The following ELMO2 variants were observed in gnomAD, a reference collection of about 807,000 sequenced individuals.
The protein encoded by ELMO2 is engulfment and cell motility 2, also known as engulfment and cell motility protein 2.
A neutral mutation model predicts 96.2 loss-of-function variants in ELMO2; 37 were observed. The ratio of observed to expected loss-of-function variants is 0.38; its 90% CI spans 0.30 to 0.51. The LOEUF (loss-of-function observed/expected upper bound fraction) is 0.51, where lower values mean the gene tolerates loss of function less well. Ranked by LOEUF, ELMO2 falls within the 20% of genes least tolerant of loss-of-function variation. The pLI, the probability that ELMO2 is intolerant of heterozygous loss-of-function variation, is 0.88. For missense variants in ELMO2, 561 were observed against 912.6 expected (o/e 0.61, Z 4.96); for synonymous variants, 315 against 329.4 (o/e 0.96, Z 0.47).
chr20:46,383,805 G>C (rs2059997291), intron 9 of ELMO2, among the ~76,000 whole-genome samples: 1 of 152,188 alleles, frequency 6.6e-6, no homozygotes, highest in Non-Finnish European at 1.5e-5. Context: ...AGAATCTTAA[G>C]TAGTTATTAA....
At chr20:46,372,106 G>T in intron 16 of ELMO2, 137 bp from the exon 17 acceptor site, 1 of 979,094 alleles carries the variant, frequency 1.0e-6, no homozygotes, top group Non-Finnish European at 1.5e-6. Flanking sequence ...GGGTGAGTAA[G>T]GTATACCTTC....
chr20:46,385,665 G>C (rs752285349), intron 9 of ELMO2, among the ~76,000 whole-genome samples: 7 of 152,210 alleles, frequency 4.6e-5, no homozygotes, highest in Non-Finnish European at 1.0e-4. Context: ...GGTTCAGTGA[G>C]CATTCATTCA....
At position 46,375,760 on chromosome 20, in the gene ELMO2, T is replaced by C; in HGVS notation, c.838A>G (p.Thr280Ala). ...ACATATAGCTGATGGGCCATCTCAG[T>C]TTTGATGGGGCGGTTCCCTCGGATC... ...HVIRGNRPIK[T>A]EMAHQLYVLQ... The change falls in exon 12 of 22, where the codon ACT becomes GCT. Residue 280 changes from threonine (T) to alanine (A), a missense_variant. Coordinates refer to ENST00000290246, the MANE Select transcript of ELMO2 (RefSeq NM_133171.5). The surrounding 1 kb of genome is among the most constrained non-coding windows in gnomAD (Gnocchi z 4.6). 6 of 1,614,188 alleles carry C rather than the reference T, an allele frequency of 3.7e-6. No individual in the cohort carries two copies. Among genetic ancestry groups the C allele is most frequent in the Non-Finnish European group, 5.1e-6 (6 of 1,180,032 alleles).
intron 1 of ELMO2, among the ~76,000 whole-genome samples, chr20:46,399,464 AG>A (rs2060300384): frequency 6.6e-6 from 1 of 152,204 alleles, no homozygotes; most frequent in Non-Finnish European, 1.5e-5. Flanking sequence ...ATCAGAGCCT[AG>A]TTCGGATGTT....
intron 8 of ELMO2, among the ~76,000 whole-genome samples, chr20:46,386,691 ATCCT>A (rs2060051105): frequency 6.6e-6 from 1 of 152,206 alleles, no homozygotes; most frequent in Admixed American, 6.5e-5. Flanking sequence ...TTTTACTCTA[ATCCT>A]TCTTCTCAGT....
chr20:46,391,660 G>C lies in ELMO2; in HGVS notation c.243+1433C>G, dbSNP rs531365545. On this transcript the variant is annotated intron_variant, in intron 6 of 21. Coordinates refer to ENST00000290246, the MANE Select transcript of ELMO2 (RefSeq NM_133171.5). ...TTTGAGTCCTTCCTCTCCTGGTCCAGTAAGGTCCTGTTCTATTGATTACCT... is the reference window on the plus strand; with the variant it reads ...TTTGAGTCCTTCCTCTCCTGGTCCACTAAGGTCCTGTTCTATTGATTACCT... Among the ~76,000 whole-genome samples, 10 of 152,294 alleles carry C rather than the reference G, an allele frequency of 6.6e-5. No homozygotes were observed. In the South Asian group the frequency reaches 2.1e-3, roughly 32 times the overall value.
In ELMO2 at chr20:46,394,495, G is replaced by T; in HGVS notation, c.-13C>A. 1.2e-6 allele frequency: 2 copies of T among 1,614,074 alleles called. No individual in the cohort carries two copies. Among genetic ancestry groups the T allele is most frequent in the South Asian group, 2.2e-5 (2 of 91,076 alleles). Reference sequence around the variant, plus strand: ...ACGGTGGTGGCATCGTTCCCAATGGGCTCTAATTCTGCGAGACAAAAACAC... The same window carrying T: ...ACGGTGGTGGCATCGTTCCCAATGGTCTCTAATTCTGCGAGACAAAAACAC... On this transcript the variant is annotated 5_prime_UTR_variant, in exon 3 of 22. Transcript: ENST00000290246.
At chr20:46,374,795 T>G (rs1354321634) in intron 13 of ELMO2, among the ~76,000 whole-genome samples, 155 bp from the exon 14 acceptor site, 1 of 152,196 alleles carries the variant, frequency 6.6e-6, no homozygotes, top group Non-Finnish European at 1.5e-5. Context: ...CACTGAACTG[T>G]GAGCTCTTGA....
chr20:46,386,337 C>A, intron 8 of ELMO2, 62 bp from the exon 9 acceptor site: 1 of 1,591,124 alleles, frequency 6.3e-7, no homozygotes, highest in Non-Finnish European at 8.6e-7. Flanking sequence ...AGAAGCTTAG[C>A]ATCTGATGCT....
intron 6 of ELMO2, among the ~76,000 whole-genome samples, chr20:46,389,665 G>A (rs2060116025): frequency 6.6e-6 from 1 of 152,070 alleles, no homozygotes; most frequent in Non-Finnish European, 1.5e-5. Flanking sequence ...CTGGCCAACA[G>A]AGTGACACCC....
At chr20:46,379,625 C>G (rs913574026) in intron 11 of ELMO2, among the ~76,000 whole-genome samples, 13 of 152,174 alleles carry the variant, frequency 8.5e-5, no homozygotes, top group Admixed American at 3.9e-4. Context: ...TGCTCTGTGC[C>G]TAATCACACA....
chr20:46,384,395 G>C (rs572536958), intron 9 of ELMO2, among the ~76,000 whole-genome samples: 7 of 152,300 alleles, frequency 4.6e-5, no homozygotes, highest in African/African-American at 1.7e-4. Context: ...ATGGTACCCA[G>C]GGAGTCTAAC....
Position 46,371,621 on chromosome 20 carries a change from C to A in ELMO2, c.1651G>T (p.Glu551Ter). Residue 551 changes from glutamate (E) to a stop codon, truncating the protein, a stop_gained, in exon 18 of 22, where the codon GAG becomes TAG. Transcript: ENST00000290246. LOFTEE classifies it high-confidence loss of function. This position sits in a 1 kb window ranked among gnomAD's most constrained non-coding sequence, Gnocchi z 5.9. ...IKQQRLNRLC[E>*]GSSFRKIGNR... is the part of the protein sequence containing the mutation. ...CCAATCTTTCGGAAGCTGCTGCCCT[C>A]ACAGAGCCGGTTCAGGCGCTGCTGC... The A allele has an allele frequency of 6.2e-7, 1 of 1,608,244 alleles. No homozygotes were observed. The highest frequency in any genetic ancestry group is 8.5e-7 in the Non-Finnish European group (1 of 1,178,250).
chr20:46,384,005 G>C (rs1481703372), intron 9 of ELMO2, among the ~76,000 whole-genome samples: 1 of 151,992 alleles, frequency 6.6e-6, no homozygotes, highest in East Asian at 1.9e-4. Context: ...AAAAGACTTA[G>C]AACTACCCTT....
At chr20:46,388,355 G>A (rs542494086) in intron 7 of ELMO2, among the ~76,000 whole-genome samples, 1 of 152,206 alleles carries the variant, frequency 6.6e-6, no homozygotes, top group Non-Finnish European at 1.5e-5. Flanking sequence ...AATTTCAATA[G>A]TTGATCTATG....
chr20:46,376,667 G>C (rs1269061874), intron 11 of ELMO2: 1 of 1,289,318 alleles, frequency 7.8e-7, no homozygotes, highest in Admixed American at 2.3e-5. Flanking sequence ...TTCCCTTCTT[G>C]CTCCCTTGTA....
Position 46,372,093 on chromosome 20 carries a change from G to C in ELMO2, c.1417-124C>G, listed in dbSNP as rs545149143. ...AGCAGGGCAGGCACTACAGACATCTGCTGGGTGAGTAAGGTATACCTTCTT... is the reference window on the plus strand; with the variant it reads ...AGCAGGGCAGGCACTACAGACATCTCCTGGGTGAGTAAGGTATACCTTCTT... On this transcript the variant is annotated intron_variant, in intron 16 of 21. Coordinates refer to ENST00000290246, the MANE Select transcript of ELMO2 (RefSeq NM_133171.5). The C allele has an allele frequency of 2.0e-5, 23 of 1,169,104 alleles. No individual in the cohort carries two copies. The African/African-American group carries it at 3.2e-4, about 16-fold the overall frequency. 72.4% of individuals were successfully genotyped at this position (1,169,104 alleles called of 1,614,324 possible).
rs1568766692 is a variant in ELMO2 at position 46,383,509 on chromosome 20, A to G, written c.678-15T>C. The G allele has an allele frequency of 1.2e-6, 2 of 1,610,524 alleles. No homozygotes were observed. The highest frequency in any genetic ancestry group is 2.2e-5 in the East Asian group (1 of 44,862). ...CCTGGTTGGAGCTGTGTCAATGGAG[A>G]AAGAAGAGAGAGGGAGATTAGAAGA... On this transcript the variant is annotated splice_polypyrimidine_tract_variant and intron_variant, in intron 9 of 21. Transcript: ENST00000290246.
rs1362840234 is a variant in ELMO2 at position 46,400,567 on chromosome 20, C to T, written c.-125-1796G>A. Among the ~76,000 whole-genome samples the T allele has an allele frequency of 2.6e-5, 4 of 152,240 alleles. 1 individual carries two copies. In the South Asian group the frequency reaches 8.3e-4, roughly 31 times the overall value. ...ATATCCAGGCCCAGAGGGCCCCTTC[C>T]GGATTAAACAACTCCCCACCCTTCT... is the stretch of plus-strand genomic sequence containing the variant. On this transcript the variant is annotated intron_variant, in intron 1 of 21. Transcript: ENST00000290246.
Sources: gnomAD v4.1 joint callset for allele counts (sites outside exome capture counted in the v4.1 genomes callset) on GRCh38, gnomAD v4.1.1 for gene constraint, Gnocchi (gnomAD v3.1) non-coding constraint, MANE v1.5 for transcripts, NCBI Gene and HGNC (gene_info 2026-07-23, HGNC 2026-07-21) for gene names.